The following NELL2 variants were observed in gnomAD, a reference collection of about 807,000 sequenced individuals.
NELL2 encodes the protein protein kinase C-binding protein NELL2.
A neutral mutation model predicts 109.6 loss-of-function variants in NELL2; 41 were observed. The ratio of observed to expected loss-of-function variants is 0.37; its 90% CI spans 0.29 to 0.49. The LOEUF (loss-of-function observed/expected upper bound fraction) is 0.49. Among genes scored for constraint, NELL2 ranks in the 20% least tolerant of loss-of-function variants. NELL2 has a pLI of 0.98. For missense variants in NELL2, 900 were observed against 1,008.3 expected, an observed-to-expected ratio of 0.89 and a Z score of 1.45; for synonymous variants, 355 against 344.7, an observed-to-expected ratio of 1.03 and a Z score of -0.33.
At chr12:44,588,961 T>C (rs1243294515) in intron 15 of NELL2, among the ~76,000 whole-genome samples, 1 of 152,226 alleles carries the variant, frequency 6.6e-6, no homozygotes. Flanking sequence ...ATTTAGCACT[T>C]AGTATGTGCC....
At chr12:44,861,643 G>A (rs2658961) in intron 2 of NELL2, among the ~76,000 whole-genome samples, 120,965 of 151,586 alleles carry the variant, frequency 0.8, 48,694 homozygotes, top group Middle Eastern at 0.94. Context: ...ATCCACAGGG[G>A]CCAGCCCAAA....
chr12:44,864,174 A>G (rs778708989), intron 2 of NELL2, among the ~76,000 whole-genome samples: 2 of 152,186 alleles, frequency 1.3e-5, no homozygotes, highest in Non-Finnish European at 2.9e-5. Flanking sequence ...CAAAACTTCC[A>G]TAAAACAATT....
intron 2 of NELL2, among the ~76,000 whole-genome samples, chr12:44,838,279 G>T (rs907117541): frequency 3.9e-5 from 6 of 152,138 alleles, no homozygotes; most frequent in African/African-American, 9.7e-5. Flanking sequence ...GCACAAAAAG[G>T]TGTCTGAAAT....
chr12:44,640,276 A>T (rs1295989132), intron 13 of NELL2, among the ~76,000 whole-genome samples: 1 of 152,192 alleles, frequency 6.6e-6, no homozygotes, highest in Non-Finnish European at 1.5e-5. Context: ...TGAGTCTCTT[A>T]GTCTTCACAA....
At chr12:44,620,109 C>G (rs190501737) in intron 13 of NELL2, among the ~76,000 whole-genome samples, 1 of 143,884 alleles carries the variant, frequency 7.0e-6, no homozygotes, top group African/African-American at 2.7e-5. Flanking sequence ...TATTCTTGTT[C>G]GCCTGGGTTT....
intron 2 of NELL2, among the ~76,000 whole-genome samples, chr12:44,830,030 T>G (rs1362394268): frequency 1.3e-5 from 2 of 152,226 alleles, no homozygotes; most frequent in Non-Finnish European, 2.9e-5. Flanking sequence ...GTTACTGTTT[T>G]GACATGGCTC....
At chr12:44,716,484 G>T (rs1938491422) in intron 9 of NELL2, among the ~76,000 whole-genome samples, 1 of 152,056 alleles carries the variant, frequency 6.6e-6, no homozygotes, top group Non-Finnish European at 1.5e-5. Context: ...ATCATATTAT[G>T]AATTAAAATG....
chr12:44,611,378 T>C (rs983834634), intron 13 of NELL2, among the ~76,000 whole-genome samples: 4 of 152,056 alleles, frequency 2.6e-5, no homozygotes, highest in Non-Finnish European at 4.4e-5. Flanking sequence ...TTGTAAGTCA[T>C]GACCTGTAGG....
chr12:44,713,104 G>A (rs1938295343), intron 10 of NELL2, among the ~76,000 whole-genome samples: 1 of 150,976 alleles, frequency 6.6e-6, no homozygotes, highest in South Asian at 2.1e-4. Flanking sequence ...AAATCCAATA[G>A]GCAATTATAC....
At chr12:44,744,731 C>CA (rs1410321771) in intron 9 of NELL2, among the ~76,000 whole-genome samples, 2 of 152,204 alleles carry the variant, frequency 1.3e-5, no homozygotes, top group African/African-American at 4.8e-5. Flanking sequence ...TCGACACATA[C>CA]ATCCTCCTAA....
chr12:44,651,934 C>T (rs112438595), intron 13 of NELL2, among the ~76,000 whole-genome samples: 10 of 152,180 alleles, frequency 6.6e-5, no homozygotes, highest in African/African-American at 1.2e-4. Context: ...AGTTGAGGTA[C>T]GGCAATGCAG....
At chr12:44,824,023 C>T (rs1216420797) in intron 2 of NELL2, among the ~76,000 whole-genome samples, 1 of 152,136 alleles carries the variant, frequency 6.6e-6, no homozygotes, top group Non-Finnish European at 1.5e-5. Context: ...TTTTGACTAT[C>T]TGTATGACTT....
intron 9 of NELL2, among the ~76,000 whole-genome samples, chr12:44,752,368 A>AT (rs913777571): frequency 6.6e-6 from 1 of 152,140 alleles, no homozygotes. Context: ...AAAAAGGCTT[A>AT]TTTTTTTCCA....
At chr12:44,761,647 A>G (rs1941130692) in intron 9 of NELL2, among the ~76,000 whole-genome samples, 1 of 152,238 alleles carries the variant, frequency 6.6e-6, no homozygotes, top group African/African-American at 2.4e-5. Flanking sequence ...CAATGTAATG[A>G]CTGGATAAAG....
At chr12:44,664,881 C>A (rs1947870586) in intron 13 of NELL2, among the ~76,000 whole-genome samples, 1 of 151,890 alleles carries the variant, frequency 6.6e-6, no homozygotes, top group African/African-American at 2.4e-5. Context: ...AGGTAGAAAG[C>A]TATAGAATAA....
chr12:44,625,676 C>T (rs1946232591), intron 13 of NELL2, among the ~76,000 whole-genome samples: 1 of 152,044 alleles, frequency 6.6e-6, no homozygotes, highest in South Asian at 2.1e-4. Flanking sequence ...GACCTGATTG[C>T]TGAATACTTG....
chr12:44,729,420 G>A (rs1340652857), intron 9 of NELL2, among the ~76,000 whole-genome samples: 5 of 151,658 alleles, frequency 3.3e-5, no homozygotes, highest in African/African-American at 9.7e-5. Flanking sequence ...CACAAAGGAA[G>A]ACAACAAAGG....
chr12:44,694,509 A>G (rs1028735778), intron 12 of NELL2, among the ~76,000 whole-genome samples: 1 of 131,384 alleles, frequency 7.6e-6, no homozygotes, highest in Non-Finnish European at 1.6e-5. Context: ...ATAATATACA[A>G]CACACATACA....
intron 15 of NELL2, among the ~76,000 whole-genome samples, chr12:44,566,577 G>C (rs1349476976): frequency 7.2e-6 from 1 of 138,358 alleles, no homozygotes; most frequent in East Asian, 1.9e-4. Flanking sequence ...AGAGTTTTAT[G>C]AATAGCAATA....
Sources: gnomAD v4.1 joint callset for allele counts (sites outside exome capture counted in the v4.1 genomes callset) on GRCh38, gnomAD v4.1.1 for gene constraint, MANE v1.5 for transcripts, NCBI Gene and HGNC (gene_info 2026-07-23, HGNC 2026-07-21) for gene names.